Variants in PPP3CA observed in about 807,000 individuals in gnomAD.
PPP3CA encodes protein phosphatase 3 catalytic subunit alpha.
Under a neutral mutation model 66.5 loss-of-function variants are expected in PPP3CA, and 14 were observed. The observed-to-expected ratio is 0.21, with a 90% confidence interval of 0.14 to 0.33. PPP3CA has a LOEUF of 0.33. Ranked by LOEUF, PPP3CA falls within the 10% of genes least tolerant of loss-of-function variation. The pLI is 1.00. For missense variants in PPP3CA, 317 were observed against 639.5 expected (o/e 0.50, Z 5.44); for synonymous variants, 232 against 226.2 (o/e 1.03, Z -0.23).
intron 10 of PPP3CA, among the ~76,000 whole-genome samples, chr4:101,054,642 T>A (rs898955001): frequency 3.9e-5 from 6 of 152,114 alleles, no homozygotes; most frequent in Non-Finnish European, 8.8e-5. Context: ...GTACAACTGT[T>A]AACAGCTAGA....
intron 6 of PPP3CA, among the ~76,000 whole-genome samples, chr4:101,092,685 G>A (rs1730008630): frequency 1.3e-5 from 2 of 152,052 alleles, no homozygotes; most frequent in South Asian, 4.2e-4. Context: ...AGAACATGAG[G>A]TGTTTGGTTT....
intron 1 of PPP3CA, among the ~76,000 whole-genome samples, chr4:101,332,931 G>A (rs1461154584): frequency 6.6e-6 from 1 of 152,172 alleles, no homozygotes. Flanking sequence ...GCAGAGTGAA[G>A]AGTGGCTTGT....
chr4:101,151,701 G>GACT (rs1723146744), intron 2 of PPP3CA, among the ~76,000 whole-genome samples: 2 of 109,578 alleles, frequency 1.8e-5, no homozygotes, highest in African/African-American at 7.2e-5. Flanking sequence ...CTGTTGCCCA[G>GACT]GCTGGAGTGC....
chr4:101,076,471 C>T (rs932599753), intron 8 of PPP3CA, among the ~76,000 whole-genome samples: 1 of 152,126 alleles, frequency 6.6e-6, no homozygotes, highest in African/African-American at 2.4e-5. Context: ...ACAAGAAAAA[C>T]GTAAACAATA....
At chr4:101,346,460 A>ACCCACGCCGCCACCTCCC (rs1384062535) in intron 1 of PPP3CA, among the ~76,000 whole-genome samples, 18 of 148,822 alleles carry the variant, frequency 1.2e-4, no homozygotes, top group Non-Finnish European at 2.4e-4. Context: ...CACCACCGCC[A>ACCCACGCCGCCACCTCCC]CCCCCGCCGC....
chr4:101,113,921 C>T (rs1460399079), intron 2 of PPP3CA, among the ~76,000 whole-genome samples: 1 of 152,084 alleles, frequency 6.6e-6, no homozygotes, highest in Non-Finnish European at 1.5e-5. Context: ...GAGGCTAGGT[C>T]CTTTTTTCTT....
At chr4:101,139,696 GTTTTTT>G (rs372257350) in intron 2 of PPP3CA, among the ~76,000 whole-genome samples, 11 of 98,406 alleles carry the variant, frequency 1.1e-4, no homozygotes, top group Non-Finnish European at 1.8e-4. Flanking sequence ...TTTTTTTTGT[GTTTTTT>G]TTTTTTTTTT....
At chr4:101,180,735 G>T (rs1560644137) in intron 2 of PPP3CA, among the ~76,000 whole-genome samples, 2 of 151,968 alleles carry the variant, frequency 1.3e-5, no homozygotes, top group African/African-American at 4.8e-5. Context: ...TGATGTTAGG[G>T]TAATAAATAC....
At chr4:101,098,649 ATAAT>A in intron 4 of PPP3CA, 137 bp from the exon 5 acceptor site, 1 of 670,604 alleles carries the variant, frequency 1.5e-6, no homozygotes, top group Non-Finnish European at 2.4e-6. Context: ...ATTCCAAAAC[ATAAT>A]TAAGATTTTC....
At position 101,063,369 on chromosome 4, in the gene PPP3CA, CA is replaced by C. The variant is rs1396218666; in HGVS notation, c.956-13del. 5 of 1,599,784 alleles carry C rather than the reference CA, an allele frequency of 3.1e-6. No individual in the cohort carries two copies. The highest frequency in any genetic ancestry group is 3.4e-5 in the Admixed American group (2 of 58,692). Reference sequence around the variant, plus strand: ...CTTCAATACTGCAGCTAAAAATAACCAAAAGAGGATGTTAGGAACACAGAAC... The same window carrying C: ...CTTCAATACTGCAGCTAAAAATAACCAAAGAGGATGTTAGGAACACAGAAC... On this transcript the variant is annotated splice_polypyrimidine_tract_variant and intron_variant, in intron 8 of 13. Transcript: ENST00000394854.
intron 1 of PPP3CA, among the ~76,000 whole-genome samples, chr4:101,235,025 T>C (rs893898860): frequency 1.3e-5 from 2 of 151,726 alleles, no homozygotes; most frequent in African/African-American, 2.4e-5. Flanking sequence ...CATATATATA[T>C]ACACACTACT....
chr4:101,088,246 C>G (rs1729758482), intron 6 of PPP3CA, among the ~76,000 whole-genome samples: 1 of 152,124 alleles, frequency 6.6e-6, no homozygotes, highest in Non-Finnish European at 1.5e-5. Context: ...AGCTCTGCTA[C>G]TGGACTGCCA....
intron 1 of PPP3CA, among the ~76,000 whole-genome samples, chr4:101,215,621 C>T (rs1173177789): frequency 6.6e-6 from 1 of 151,980 alleles, no homozygotes; most frequent in African/African-American, 2.4e-5. Flanking sequence ...AAAGAAAGTT[C>T]AATTATGTGT....
chr4:101,296,581 C>A (rs922501903), intron 1 of PPP3CA, among the ~76,000 whole-genome samples: 2 of 152,078 alleles, frequency 1.3e-5, no homozygotes, highest in Non-Finnish European at 2.9e-5. Flanking sequence ...TATGTCCATT[C>A]TCTTTTTAAA....
chr4:101,221,774 T>C (rs1370935990), intron 1 of PPP3CA, among the ~76,000 whole-genome samples: 1 of 151,582 alleles, frequency 6.6e-6, no homozygotes, highest in Non-Finnish European at 1.5e-5. Flanking sequence ...ACATACTTAT[T>C]GTACAAAAAT....
intron 1 of PPP3CA, among the ~76,000 whole-genome samples, chr4:101,257,566 T>C (rs1053902037): frequency 7.2e-5 from 11 of 152,012 alleles, no homozygotes; most frequent in African/African-American, 2.2e-4. Context: ...AAATAATCAA[T>C]GTGTAAAATA....
At chr4:101,110,452 T>G (rs1431231256) in intron 2 of PPP3CA, among the ~76,000 whole-genome samples, 1 of 152,146 alleles carries the variant, frequency 6.6e-6, no homozygotes, top group African/African-American at 2.4e-5. Context: ...AAGCATGAAG[T>G]AGGTACAGGT....
chr4:101,326,874 A>C (rs1011849), intron 1 of PPP3CA, among the ~76,000 whole-genome samples: 15,788 of 152,244 alleles, frequency 0.1, 2,789 homozygotes, highest in African/African-American at 0.36. Context: ...ATATAGGCTA[A>C]ATAATCAAAA....
chr4:101,115,412 A>C (rs1721809740), intron 2 of PPP3CA, among the ~76,000 whole-genome samples: 1 of 151,934 alleles, frequency 6.6e-6, no homozygotes, highest in African/African-American at 2.4e-5. Context: ...ATGAGAAGGG[A>C]TAGGTGTTCA....
Sources: gnomAD v4.1 joint callset for allele counts (sites outside exome capture counted in the v4.1 genomes callset) on GRCh38, gnomAD v4.1.1 for gene constraint, MANE v1.5 for transcripts, NCBI Gene and HGNC (gene_info 2026-07-23, HGNC 2026-07-21) for gene names.